The following OCIAD1 variants were observed in gnomAD, a reference collection of about 807,000 sequenced individuals.
The protein encoded by OCIAD1 is OCIA domain-containing protein 1.
Under a neutral mutation model 38.9 loss-of-function variants are expected in OCIAD1, and 29 were observed. The observed-to-expected ratio is 0.74, with a 90% CI of 0.55 to 1.02. The LOEUF (loss-of-function observed/expected upper bound fraction) is 1.02. Among genes scored for constraint, OCIAD1 ranks in the 50% least tolerant of loss-of-function variants. The pLI, the probability that OCIAD1 is intolerant of heterozygous loss-of-function variation, is 0.00. For synonymous variants in OCIAD1, 110 were observed against 92.0 expected, an observed-to-expected ratio of 1.20 and a Z score of -1.12; for missense variants, 288 against 289.6, an observed-to-expected ratio of 0.99 and a Z score of 0.04.
intron 1 of OCIAD1, among the ~76,000 whole-genome samples, chr4:48,808,769 TTA>T (rs1777057137): frequency 6.6e-6 from 1 of 152,216 alleles, no homozygotes; most frequent in Admixed American, 6.5e-5. Flanking sequence ...TGGTATTCTA[TTA>T]TAGCAGCACA....
upstream of OCIAD1, among the ~76,000 whole-genome samples, chr4:48,827,064 A>G (rs1198404599): frequency 3.3e-5 from 5 of 152,232 alleles, no homozygotes; most frequent in African/African-American, 7.2e-5. Context: ...TAAACTAGAT[A>G]GTCTGGTGAA....
chr4:48,857,884 T>A lies in OCIAD1; in HGVS notation c.700+519T>A, dbSNP rs778733545. 5.1e-4 allele frequency among the ~76,000 whole-genome samples: 78 copies of A among 152,258 alleles called. 1 individual carries two copies. Among genetic ancestry groups the A allele is most frequent in the Non-Finnish European group, 8.8e-4 (60 of 68,010 alleles). On this transcript the variant is annotated intron_variant, in intron 8 of 8. Coordinates refer to ENST00000264312, the MANE Select transcript of OCIAD1 (RefSeq NM_017830.4). ...ATAATGAAGTCAAGGCCAGGTGTGG[T>A]GTCTCATGCCTGAAATCCCAGCACT... is the stretch of plus-strand genomic sequence containing the variant.
intron 1 of OCIAD1, among the ~76,000 whole-genome samples, chr4:48,825,449 G>A (rs762565137): frequency 1.6e-4 from 25 of 152,334 alleles, no homozygotes; most frequent in Middle Eastern, 6.8e-3. Context: ...GGGCAGCAGC[G>A]TGCCCTTTGG....
intron 1 of OCIAD1, among the ~76,000 whole-genome samples, chr4:48,817,572 G>A (rs1448793699): frequency 6.6e-6 from 1 of 152,200 alleles, no homozygotes; most frequent in African/African-American, 2.4e-5. Context: ...ACACCAGTGA[G>A]ACAGAATTGT....
At position 48,858,624 on chromosome 4, in the gene OCIAD1, A is replaced by T. The variant is rs553213238; in HGVS notation, c.700+1259A>T. Among the ~76,000 whole-genome samples, 8 of 152,048 alleles carry T rather than the reference A, an allele frequency of 5.3e-5. No individual in the cohort carries two copies. The South Asian group carries it at 1.7e-3, about 32-fold the overall frequency. On this transcript the variant is annotated intron_variant, in intron 8 of 8. Coordinates refer to ENST00000264312, the MANE Select transcript of OCIAD1 (RefSeq NM_017830.4). ...GTATGCCACCATCCCTGGCTGTTAAAAATTTTTTTTGGTGCAGTGGGTTTT... is the reference window on the plus strand; with the variant it reads ...GTATGCCACCATCCCTGGCTGTTAATAATTTTTTTTGGTGCAGTGGGTTTT...
chr4:48,808,296 C>G (rs1427637958), intron 1 of OCIAD1, among the ~76,000 whole-genome samples: 1 of 152,014 alleles, frequency 6.6e-6, no homozygotes, highest in Admixed American at 6.6e-5. Flanking sequence ...GGTGAAACCT[C>G]ATCTCTACAA....
At chr4:48,846,745 C>CAA (rs765371763) in intron 4 of OCIAD1, among the ~76,000 whole-genome samples, 36 of 77,216 alleles carry the variant, frequency 4.7e-4, no homozygotes, top group African/African-American at 1.2e-3. Context: ...AGACTCGTCT[C>CAA]AAAAAAAAAA....
intron 1 of OCIAD1, among the ~76,000 whole-genome samples, chr4:48,816,282 G>A (rs974181214): frequency 5.3e-5 from 8 of 152,164 alleles, no homozygotes; most frequent in African/African-American, 7.2e-5. Context: ...AGAATAAACT[G>A]GAGGCGATCA....
chr4:48,833,206 C>G (rs1379125647), intron 2 of OCIAD1, among the ~76,000 whole-genome samples, 195 bp from the exon 3 acceptor site: 1 of 152,070 alleles, frequency 6.6e-6, no homozygotes, highest in Non-Finnish European at 1.5e-5. Flanking sequence ...GAGCCGAGAT[C>G]GCGCCATTGC....
chr4:48,832,603 T>C lies in OCIAD1; in HGVS notation c.-5-17T>C, dbSNP rs772512816. The C allele has an allele frequency of 6.2e-7, 1 of 1,601,122 alleles. No individual in the cohort carries two copies. The highest frequency in any genetic ancestry group is 8.6e-7 in the Non-Finnish European group (1 of 1,168,142). ...GTGATAGTTTCTAATACTTAATATG[T>C]AATGTTTTTGATACAGGAAAGATGA... On this transcript the variant is annotated splice_polypyrimidine_tract_variant and intron_variant, in intron 1 of 8. Coordinates refer to ENST00000264312, the MANE Select transcript of OCIAD1 (RefSeq NM_017830.4).
chr4:48,857,093 A>G (rs753965474), intron 7 of OCIAD1, 120 bp from the exon 8 acceptor site: 1 of 484,436 alleles, frequency 2.1e-6, no homozygotes, highest in Non-Finnish European at 3.5e-6. Context: ...GGTGGTAATA[A>G]TTTGATTCTT....
chr4:48,825,717 C>T lies in OCIAD1; in HGVS notation c.-102-4860C>T, dbSNP rs147460037. 7.2e-4 allele frequency among the ~76,000 whole-genome samples: 110 copies of T among 152,224 alleles called. 1 individual carries two copies. In the East Asian group the frequency reaches 0.014, roughly 20 times the overall value. ...CCATGGGAATATTAGTTAAGAAATC[C>T]GCCCTATGCTATTAATTATCCCTTC... On this transcript the variant is annotated intron_variant, in intron 1 of 6. Transcript: ENST00000504654.
upstream of OCIAD1, among the ~76,000 whole-genome samples, chr4:48,830,156 C>T (rs1315920067): frequency 3.0e-4 from 45 of 152,190 alleles, no homozygotes; most frequent in Admixed American, 2.8e-3. Flanking sequence ...AAGGCACAGG[C>T]ACCACCAGGC....
At chr4:48,816,612 T>C (rs1777146205) in intron 1 of OCIAD1, among the ~76,000 whole-genome samples, 1 of 152,000 alleles carries the variant, frequency 6.6e-6, no homozygotes, top group African/African-American at 2.4e-5. Context: ...TTTGAAATAA[T>C]ATCTTTTAAA....
intron 6 of OCIAD1, among the ~76,000 whole-genome samples, chr4:48,850,888 A>G (rs1779396064): frequency 6.6e-6 from 1 of 152,136 alleles, no homozygotes. Context: ...ATTGTTGTAA[A>G]TATAGAGTTG....
intron 7 of OCIAD1, among the ~76,000 whole-genome samples, chr4:48,852,737 T>C (rs746711543): frequency 1.6e-4 from 25 of 152,128 alleles, no homozygotes; most frequent in Admixed American, 5.2e-4. Flanking sequence ...TGGCAAATAA[T>C]AGACTCAAAA....
At chr4:48,858,488 C>T (rs1421807559) in intron 8 of OCIAD1, among the ~76,000 whole-genome samples, 1 of 152,060 alleles carries the variant, frequency 6.6e-6, no homozygotes. Context: ...TGGTTTTATT[C>T]TGTCACCCAG....
At chr4:48,849,220 A>G in intron 5 of OCIAD1, among the ~76,000 whole-genome samples, 1 of 152,152 alleles carries the variant, frequency 6.6e-6, no homozygotes, top group Non-Finnish European at 1.5e-5. Context: ...GGTGCAGCAC[A>G]CCAACGTGGC....
At chr4:48,841,372 G>A (rs1437622578) in intron 3 of OCIAD1, among the ~76,000 whole-genome samples, 5 of 152,178 alleles carry the variant, frequency 3.3e-5, no homozygotes, top group Non-Finnish European at 7.3e-5. Flanking sequence ...AATCATAAAA[G>A]GAAAGGGAGC....
Sources: gnomAD v4.1 joint callset for allele counts (sites outside exome capture counted in the v4.1 genomes callset) on GRCh38, gnomAD v4.1.1 for gene constraint, MANE v1.5 for transcripts, NCBI Gene and HGNC (gene_info 2026-07-23, HGNC 2026-07-21) for gene names.